The following CIAO3 variants were observed in gnomAD, a reference collection of about 807,000 sequenced individuals.
CIAO3 encodes LET1 like/JFP15.
CIAO3 carries 45 observed loss-of-function variants against 51.5 expected under a neutral mutation model. That is an observed-to-expected ratio of 0.87 (90% confidence interval 0.69 to 1.12). The LOEUF (loss-of-function observed/expected upper bound fraction) is 1.12, where lower values mean the gene tolerates loss of function less well. Among genes scored for constraint, CIAO3 ranks in the 50% most tolerant of loss-of-function variants. The pLI is 0.00. For missense variants in CIAO3, 668 were observed against 632.5 expected (o/e 1.06, Z -0.60); for synonymous variants, 314 against 269.3 (o/e 1.17, Z -1.63).
intron 9 of CIAO3, 102 bp from the exon 10 acceptor site, chr16:731,102 C>A (rs2041274627): frequency 1.4e-6 from 2 of 1,449,000 alleles, no homozygotes; most frequent in Non-Finnish European, 1.9e-6. Flanking sequence ...CCGGGTACCT[C>A]CCAGGGCTCT....
chr16:734,582 G>T, intron 5 of CIAO3, 155 bp downstream of exon 5: 1 of 1,389,606 alleles, frequency 7.2e-7, no homozygotes. Flanking sequence ...CTCTTCTCCA[G>T]AAAAGGCCAT....
intron 8 of CIAO3, 25 bp from the exon 9 acceptor site, chr16:731,727 C>G: frequency 6.5e-7 from 1 of 1,531,126 alleles, no homozygotes; most frequent in Non-Finnish European, 8.8e-7. Flanking sequence ...GGGGCCTCAG[C>G]ACAGCTGGGG....
At chr16:731,305 T>G in intron 9 of CIAO3, 1 of 574,156 alleles carries the variant, frequency 1.7e-6, no homozygotes, top group Non-Finnish European at 2.9e-6. Flanking sequence ...CAGGCACCCA[T>G]CACCTTTGCC....
Position 730,904 on chromosome 16 carries a change from C to T in CIAO3, c.1131G>A (p.Val377=), listed in dbSNP as rs767088286. The change falls in exon 10 of 11, where the codon GTG becomes GTA. Residue 377 remains valine (V), a synonymous_variant. Coordinates refer to ENST00000251588, the MANE Select transcript of CIAO3 (RefSeq NM_022493.3). ...AYGFRNIQNL[V]QRLKRGRCPY... ...GGCAGCGCCCTCGTTTGAGCCTCTG[C>T]ACCAGGTTCTGGATGTTGCGGAAGC... 25 of 1,612,946 alleles carry T rather than the reference C, an allele frequency of 1.5e-5. No homozygotes were observed. The South Asian group carries it at 2.7e-4, about 18-fold the overall frequency.
Position 739,694 on chromosome 16 carries a change from G to A in CIAO3, c.111C>T (p.Gly37=), listed in dbSNP as rs2041372750. The A allele has an allele frequency of 3.7e-6, 6 of 1,614,100 alleles. No homozygotes were observed. Among genetic ancestry groups the A allele is most frequent in the Non-Finnish European group, 5.1e-6 (6 of 1,180,022 alleles). Reference sequence around the variant, plus strand: ...CATCTTCAATGCGAATCTTGGCCACGCCACTTCCCGCCCTTTTTTCCACTT... The same window carrying A: ...CATCTTCAATGCGAATCTTGGCCACACCACTTCCCGCCCTTTTTTCCACTT... ...PVKVEKRAGS[G]VAKIRIEDDG... The change falls in exon 2 of 11, where the codon GGC becomes GGT. Residue 37 remains glycine, a synonymous_variant. Transcript: ENST00000251588.
intron 1 of CIAO3, chr16:740,005 ACAC>A: frequency 2.7e-6 from 4 of 1,462,214 alleles, no homozygotes; most frequent in Admixed American, 2.1e-5. Flanking sequence ...ACCTGCGGAG[ACAC>A]CACCAACACT....
Position 730,524 on chromosome 16 carries a change from A to T in CIAO3, c.1324T>A (p.Tyr442Asn). 6.2e-7 allele frequency: 1 copy of T among 1,610,828 alleles called. No homozygotes were observed. The highest frequency in any genetic ancestry group is 8.5e-7 in the Non-Finnish European group (1 of 1,179,992). The change falls in exon 11 of 11, where the codon TAC becomes AAC. Residue 442 changes from tyrosine (Y) to asparagine (N), a missense_variant. Tyr to Asn is a moderately radical substitution (Grantham distance 143, BLOSUM62 -2). Transcript: ENST00000251588. ...PEDAPGVQEL[Y>N]THWLQGTDSE... ...TCCGTGCCCTGCAGCCAGTGTGTGT[A>T]CAGCTCCTGAACCCCAGGCGCGTCC...
chr16:732,050 G>A, intron 8 of CIAO3: 1 of 528,958 alleles, frequency 1.9e-6, no homozygotes, highest in South Asian at 2.4e-5. Flanking sequence ...GCTAAATTTT[G>A]TATTTTTAGT....
rs751767234 is a variant in CIAO3, at chr16:730,995, T to C, written c.1040A>G (p.Lys347Arg). The C allele has an allele frequency of 1.9e-6, 3 of 1,612,628 alleles. No individual in the cohort carries two copies. The highest frequency in any genetic ancestry group is 2.2e-5 in the East Asian group (1 of 44,866). ...AEVTYKPLRN[K>R]DFQEVTLEKE... ...CTCCAGTGTCACCTCCTGGAAGTCT[T>C]TGTTCCTGGGGGGCACAGGCGGGGT... The change falls in exon 10 of 11, where the codon AAA (lysine) becomes AGA (arginine). Residue 347 changes from lysine to arginine, a missense_variant. Coordinates refer to ENST00000251588, the MANE Select transcript of CIAO3 (RefSeq NM_022493.3).
chr16:740,813 G>T (rs1427086429), intron 1 of CIAO3, 107 bp downstream of exon 1: 50 of 1,211,220 alleles, frequency 4.1e-5, no homozygotes, highest in Non-Finnish European at 5.4e-5. Context: ...GGGCTCCCGG[G>T]ATTCGGATCT....
At chr16:740,763 C>G in intron 1 of CIAO3, 157 bp downstream of exon 1, 1 of 673,666 alleles carries the variant, frequency 1.5e-6, no homozygotes, top group Non-Finnish European at 2.4e-6. Context: ...GTGTCTGAGG[C>G]CCCGCGCCCG....
intron 9 of CIAO3, chr16:731,209 G>A (rs949453022): frequency 1.2e-4 from 81 of 682,746 alleles, no homozygotes; most frequent in Non-Finnish European, 5.3e-5. Context: ...CTCCAGCCTC[G>A]GGCTGTCTGT....
intron 8 of CIAO3, 55 bp from the exon 9 acceptor site, chr16:731,757 C>T (rs72773426): frequency 0.043 from 63,537 of 1,485,728 alleles, 1,558 homozygotes; most frequent in Non-Finnish European, 0.049. Context: ...GCCAACCTCC[C>T]GAGCAGGGCC....
intron 9 of CIAO3, 59 bp downstream of exon 9, chr16:731,506 C>G: frequency 1.3e-6 from 2 of 1,482,638 alleles, no homozygotes; most frequent in East Asian, 2.6e-5. Context: ...GGCAGCAGCC[C>G]GAGGAAGGCT....
chr16:732,903 T>C, intron 7 of CIAO3: 1 of 318,540 alleles, frequency 3.1e-6, no homozygotes, highest in South Asian at 2.8e-5. Flanking sequence ...CCCAAAGTGC[T>C]GGGATTACAG....
chr16:731,732 C>G, intron 8 of CIAO3, 30 bp from the exon 9 acceptor site: 2 of 1,514,022 alleles, frequency 1.3e-6, no homozygotes, highest in Non-Finnish European at 1.8e-6. Context: ...CTCAGCACAG[C>G]TGGGGCTGCT....
chr16:736,199 G>A, intron 4 of CIAO3, 67 bp downstream of exon 4: 1 of 1,595,656 alleles, frequency 6.3e-7, no homozygotes, highest in South Asian at 1.1e-5. Flanking sequence ...GAGGCGCGAG[G>A]GGCCTGGGCT....
rs778188894 is a variant in CIAO3 at position 733,462 on chromosome 16, C to T, written c.694-35G>A. 7 of 1,612,108 alleles carry T rather than the reference C, an allele frequency of 4.3e-6. No individual in the cohort carries two copies. The African/African-American group carries it at 6.7e-5, about 15-fold the overall frequency. The stretch of plus-strand genomic sequence containing the variant: ...GAAACAAACACTTGTCTCCCCAATC[C>T]CAGCAGTAAGGTGGCTGAGACGGGA... On this transcript the variant is annotated intron_variant, in intron 6 of 10. Transcript: ENST00000251588.
At chr16:736,070 G>A (rs565530339) in intron 4 of CIAO3, among the ~76,000 whole-genome samples, 196 bp downstream of exon 4, 54 of 152,322 alleles carry the variant, frequency 3.5e-4, no homozygotes, top group Non-Finnish European at 6.3e-4. Context: ...GAATGCAGAC[G>A]TGTTCTGTGA....
Sources: gnomAD v4.1 joint callset for allele counts (sites outside exome capture counted in the v4.1 genomes callset) on GRCh38, gnomAD v4.1.1 for gene constraint, MANE v1.5 for transcripts, NCBI Gene and HGNC (gene_info 2026-07-23, HGNC 2026-07-21) for gene names.